Variants in AHCYL2 observed in about 807,000 individuals in gnomAD.
AHCYL2 encodes S-adenosylhomocysteine hydrolase-like protein 2.
In AHCYL2, 28 loss-of-function variants were observed where a neutral mutation model predicts 81.4. The observed-to-expected ratio is 0.34, with a 90% CI of 0.25 to 0.47. The LOEUF is 0.47. AHCYL2 is among the 20% of genes least tolerant of loss of function. The pLI, the probability that AHCYL2 is intolerant of heterozygous loss-of-function variation, is 1.00. For missense variants in AHCYL2, 551 were observed against 785.1 expected (o/e 0.70, Z 3.56); for synonymous variants, 272 against 290.2 (o/e 0.94, Z 0.64).
intron 1 of AHCYL2, chr7:129,377,555 C>A (rs955128174): frequency 1.5e-5 from 7 of 456,572 alleles, no homozygotes; most frequent in Admixed American, 1.4e-4. Flanking sequence ...GTGGAGCCGT[C>A]AGTTCCTGCT....
At chr7:129,374,801 C>T (rs893861689) in intron 1 of AHCYL2, among the ~76,000 whole-genome samples, 2 of 144,524 alleles carry the variant, frequency 1.4e-5, no homozygotes, top group Non-Finnish European at 1.5e-5. Flanking sequence ...GAGCAAAACT[C>T]CATCTCAAAA....
At chr7:129,333,697 C>T (rs1247444527) in intron 1 of AHCYL2, among the ~76,000 whole-genome samples, 6 of 152,216 alleles carry the variant, frequency 3.9e-5, no homozygotes, top group African/African-American at 1.2e-4. Flanking sequence ...AATCCTCAGA[C>T]CCTATAGTGC....
At chr7:129,375,020 C>T (rs1318265489) in intron 1 of AHCYL2, among the ~76,000 whole-genome samples, 2 of 151,846 alleles carry the variant, frequency 1.3e-5, no homozygotes, top group African/African-American at 2.4e-5. Flanking sequence ...ATATTTGGCA[C>T]GTAGTAAGAT....
chr7:129,422,137 T>G (rs1363595172), intron 12 of AHCYL2, among the ~76,000 whole-genome samples: 1 of 152,252 alleles, frequency 6.6e-6, no homozygotes, highest in Non-Finnish European at 1.5e-5. Flanking sequence ...ACCTTTTTTC[T>G]CATTTTCTCT....
At chr7:129,347,883 AC>A (rs1165320383) in intron 1 of AHCYL2, among the ~76,000 whole-genome samples, 1 of 152,200 alleles carries the variant, frequency 6.6e-6, no homozygotes, top group Non-Finnish European at 1.5e-5. Flanking sequence ...GGCATTTCAT[AC>A]TTGAAAGCTT....
intron 1 of AHCYL2, among the ~76,000 whole-genome samples, chr7:129,244,456 A>C (rs1315054082): frequency 2.6e-5 from 4 of 152,166 alleles, no homozygotes; most frequent in Non-Finnish European, 5.9e-5. Context: ...GCTTATAAAC[A>C]ATGGAACTTG....
chr7:129,374,839 G>A (rs1336133295), intron 1 of AHCYL2, among the ~76,000 whole-genome samples: 1 of 146,840 alleles, frequency 6.8e-6, no homozygotes, highest in African/African-American at 2.5e-5. Context: ...GCCATTTTAT[G>A]TCCTTTCTTG....
intron 2 of AHCYL2, among the ~76,000 whole-genome samples, chr7:129,383,332 A>G (rs1026048246): frequency 6.6e-6 from 1 of 151,806 alleles, no homozygotes; most frequent in African/African-American, 2.4e-5. Context: ...CATCTGGCTA[A>G]TTTTTTAAAA....
chr7:129,318,070 C>T (rs1008219568), intron 1 of AHCYL2, among the ~76,000 whole-genome samples: 1 of 151,680 alleles, frequency 6.6e-6, no homozygotes, highest in Non-Finnish European at 1.5e-5. Context: ...TTGAGAAAAC[C>T]CAAGGGTTTA....
At chr7:129,264,222 C>T (rs1259259831) in intron 1 of AHCYL2, among the ~76,000 whole-genome samples, 3 of 152,130 alleles carry the variant, frequency 2.0e-5, no homozygotes, top group African/African-American at 4.8e-5. Context: ...GGGGTTTCAC[C>T]TTGTTAGCCA....
intron 1 of AHCYL2, among the ~76,000 whole-genome samples, chr7:129,282,348 A>G (rs1349877446): frequency 6.6e-6 from 1 of 152,040 alleles, no homozygotes; most frequent in Non-Finnish European, 1.5e-5. Flanking sequence ...TGGGAACTCT[A>G]GTTACATGTA....
At chr7:129,311,212 A>T (rs935358972) in intron 1 of AHCYL2, among the ~76,000 whole-genome samples, 4 of 152,278 alleles carry the variant, frequency 2.6e-5, no homozygotes, top group African/African-American at 9.6e-5. Flanking sequence ...ATAAAAATGG[A>T]CTGAAGTCCT....
intron 1 of AHCYL2, among the ~76,000 whole-genome samples, chr7:129,312,664 C>T (rs1797699703): frequency 6.6e-6 from 1 of 152,136 alleles, no homozygotes; most frequent in Non-Finnish European, 1.5e-5. Context: ...TTACCTATAA[C>T]TATTTAGACT....
rs145834386 is a variant in AHCYL2, at chr7:129,302,721, T to C, written c.364-76917T>C. ...CCTTGGGATACATCTCACTTGATCA[T>C]GATGAATGATCTTTTTAATGTGTTG... On this transcript the variant is annotated intron_variant, in intron 1 of 16. Coordinates refer to ENST00000325006, the MANE Select transcript of AHCYL2 (RefSeq NM_015328.4). Among the ~76,000 whole-genome samples, 217 of 152,332 alleles carry C rather than the reference T, an allele frequency of 1.4e-3. 5 individuals are homozygous for C. In the South Asian group the frequency reaches 0.023, roughly 16 times the overall value.
chr7:129,247,452 T>G (rs2150698054), intron 1 of AHCYL2, among the ~76,000 whole-genome samples: 1 of 152,358 alleles, frequency 6.6e-6, no homozygotes, highest in Admixed American at 6.5e-5. Flanking sequence ...TACAGCATGT[T>G]CTGAATACAA....
At position 129,225,205 on chromosome 7, in the gene AHCYL2, C is replaced by G. The variant is rs1460205475; in HGVS notation, c.129C>G (p.Pro43=). The change falls in exon 1 of 17, where the codon CCC becomes CCG. Residue 43 remains proline (P), a synonymous_variant. Coordinates refer to ENST00000325006, the MANE Select transcript of AHCYL2 (RefSeq NM_015328.4). ...LSTAAVGAMA[P]PAGGGDPEAP... The stretch of plus-strand genomic sequence containing the variant: ...CGGCCGCCGTGGGCGCCATGGCCCC[C>G]CCGGCGGGCGGTGGAGACCCTGAGG... 1.9e-6 allele frequency: 3 copies of G among 1,546,792 alleles called. No individual in the cohort carries two copies. The highest frequency in any genetic ancestry group is 2.6e-6 in the Non-Finnish European group (3 of 1,152,628).
chr7:129,360,978 C>T (rs963441633), intron 1 of AHCYL2, among the ~76,000 whole-genome samples: 1 of 152,094 alleles, frequency 6.6e-6, no homozygotes, highest in Admixed American at 6.5e-5. Context: ...TCTAGGTAAA[C>T]TTTTACTTTT....
chr7:129,275,846 C>A (rs896808993), intron 1 of AHCYL2, among the ~76,000 whole-genome samples: 1 of 152,010 alleles, frequency 6.6e-6, no homozygotes, highest in Non-Finnish European at 1.5e-5. Context: ...ACAAAAACAA[C>A]TTGAGAAGAT....
At chr7:129,241,298 A>T (rs1281938433) in intron 1 of AHCYL2, among the ~76,000 whole-genome samples, 1 of 152,236 alleles carries the variant, frequency 6.6e-6, no homozygotes, top group East Asian at 1.9e-4. Context: ...AAACCTGTTT[A>T]ATTTCAAACA....
Sources: allele counts gnomAD v4.1 joint callset (sites outside exome capture counted in the v4.1 genomes callset), GRCh38; gene constraint gnomAD v4.1.1; transcripts MANE v1.5; gene names NCBI Gene and HGNC (gene_info 2026-07-23, HGNC 2026-07-21).